Variants in TNFAIP8 observed in about 807,000 individuals in gnomAD.
The protein encoded by TNFAIP8 is TNF alpha induced protein 8, also known as tumor necrosis factor alpha-induced protein 8.
In TNFAIP8, 7 loss-of-function variants were observed where a neutral mutation model predicts 13.3. That is an observed-to-expected ratio of 0.52 (90% CI 0.30 to 0.99). TNFAIP8 has a LOEUF of 0.99. Ranked by LOEUF, TNFAIP8 falls within the 50% of genes least tolerant of loss-of-function variation. TNFAIP8 has a pLI of 0.07. For missense variants in TNFAIP8, 258 were observed against 236.9 expected, an observed-to-expected ratio of 1.09 and a Z score of -0.58; for synonymous variants, 94 against 87.6, an observed-to-expected ratio of 1.07 and a Z score of -0.41.
At chr5:119,306,830 A>G (rs1749582419) in intron 1 of TNFAIP8, among the ~76,000 whole-genome samples, 1 of 152,190 alleles carries the variant, frequency 6.6e-6, no homozygotes, top group Admixed American at 6.5e-5. Context: ...CTCATACTTA[A>G]ATAAAGGCTA....
At chr5:119,321,259 A>G (rs1338574983) in intron 1 of TNFAIP8, among the ~76,000 whole-genome samples, 1 of 152,144 alleles carries the variant, frequency 6.6e-6, no homozygotes, top group Non-Finnish European at 1.5e-5. Context: ...GTTAATTGAG[A>G]ACCTTTGGGG....
At chr5:119,373,114 C>G (rs1320690772) in intron 1 of TNFAIP8, among the ~76,000 whole-genome samples, 12 of 152,174 alleles carry the variant, frequency 7.9e-5, no homozygotes, top group Admixed American at 7.9e-4. Context: ...AGAAGACACT[C>G]AGTCCCTTCA....
intron 1 of TNFAIP8, among the ~76,000 whole-genome samples, chr5:119,277,556 G>A (rs1748495842): frequency 6.6e-6 from 1 of 152,080 alleles, no homozygotes; most frequent in South Asian, 2.1e-4. Flanking sequence ...AATTGGATTG[G>A]GGACCACCTT....
chr5:119,280,449 G>A (rs1748594892), intron 1 of TNFAIP8, among the ~76,000 whole-genome samples: 1 of 151,460 alleles, frequency 6.6e-6, no homozygotes, highest in Admixed American at 6.6e-5. Flanking sequence ...AATTTGTAGA[G>A]TTTCCCACAG....
At chr5:119,342,692 G>C (rs1475450876) in intron 1 of TNFAIP8, among the ~76,000 whole-genome samples, 1 of 152,148 alleles carries the variant, frequency 6.6e-6, no homozygotes, top group African/African-American at 2.4e-5. Context: ...CTTTCTCAAA[G>C]AATCTCCATT....
intron 1 of TNFAIP8, among the ~76,000 whole-genome samples, chr5:119,318,959 A>G (rs916969803): frequency 2.6e-5 from 4 of 152,194 alleles, no homozygotes; most frequent in African/African-American, 9.6e-5. Context: ...ATAACAGCTC[A>G]TATGATATTT....
At chr5:119,378,265 G>C (rs1257453441) in intron 1 of TNFAIP8, among the ~76,000 whole-genome samples, 2 of 152,218 alleles carry the variant, frequency 1.3e-5, no homozygotes, top group Non-Finnish European at 2.9e-5. Flanking sequence ...ACTTCACAGA[G>C]AATATAAATG....
At chr5:119,312,636 C>G (rs567124915) in intron 1 of TNFAIP8, among the ~76,000 whole-genome samples, 1 of 148,392 alleles carries the variant, frequency 6.7e-6, no homozygotes, top group Non-Finnish European at 1.5e-5. Context: ...CGGTGGCTCA[C>G]GTGTGAAATC....
intron 1 of TNFAIP8, among the ~76,000 whole-genome samples, chr5:119,303,959 T>G (rs75701532): frequency 0.022 from 3,387 of 152,258 alleles, 129 homozygotes; most frequent in African/African-American, 0.078. Context: ...TTTCTCAGCC[T>G]TTTCTCCCTC....
intron 1 of TNFAIP8, among the ~76,000 whole-genome samples, chr5:119,270,020 TCTC>T (rs1466858206): frequency 2.6e-5 from 4 of 152,228 alleles, no homozygotes; most frequent in African/African-American, 9.7e-5. Flanking sequence ...AGTAAAATAT[TCTC>T]CTACTTCCTT....
chr5:119,368,593 C>A (rs1233406635), intron 1 of TNFAIP8, among the ~76,000 whole-genome samples: 1 of 152,094 alleles, frequency 6.6e-6, no homozygotes. Context: ...GACTTAACTC[C>A]ATGCAAGTGT....
intron 1 of TNFAIP8, among the ~76,000 whole-genome samples, chr5:119,372,662 A>T (rs911385132): frequency 3.9e-5 from 6 of 152,176 alleles, no homozygotes; most frequent in Non-Finnish European, 5.9e-5. Flanking sequence ...ACATTTTTTT[A>T]AAAAATTATG....
intron 1 of TNFAIP8, among the ~76,000 whole-genome samples, chr5:119,289,160 C>T (rs1748907707): frequency 6.6e-6 from 1 of 152,188 alleles, no homozygotes; most frequent in Non-Finnish European, 1.5e-5. Flanking sequence ...ATATCATGAT[C>T]ACACCTTACT....
chr5:119,388,608 G>T (rs745653336), intron 1 of TNFAIP8, among the ~76,000 whole-genome samples: 1 of 151,962 alleles, frequency 6.6e-6, no homozygotes, highest in African/African-American at 2.4e-5. Context: ...AGTTAGCAAA[G>T]AACTTACATG....
intron 1 of TNFAIP8, among the ~76,000 whole-genome samples, chr5:119,300,236 C>G (rs1008505655): frequency 2.0e-5 from 3 of 152,228 alleles, no homozygotes; most frequent in Non-Finnish European, 4.4e-5. Flanking sequence ...GGAGCTGTTC[C>G]TAATCAGCCA....
At chr5:119,381,038 G>T (rs574129371) in intron 1 of TNFAIP8, among the ~76,000 whole-genome samples, 6 of 152,284 alleles carry the variant, frequency 3.9e-5, no homozygotes, top group South Asian at 2.1e-4. Context: ...GAGCAGGCGT[G>T]TTCCAACTTT....
intron 1 of TNFAIP8, among the ~76,000 whole-genome samples, chr5:119,336,829 G>A (rs940778638): frequency 2.6e-5 from 4 of 152,170 alleles, no homozygotes; most frequent in Non-Finnish European, 4.4e-5. Context: ...TTGAAAACAG[G>A]ATTACTAGTT....
At chr5:119,376,257 G>A (rs933449500) in intron 1 of TNFAIP8, among the ~76,000 whole-genome samples, 3 of 151,970 alleles carry the variant, frequency 2.0e-5, no homozygotes, top group Non-Finnish European at 4.4e-5. Flanking sequence ...TAGGATTACA[G>A]GCATGTGCCA....
Position 119,392,882 on chromosome 5 carries a change from T to C in TNFAIP8, c.98T>C (p.Met33Thr). The part of the protein sequence containing the change: ...VQAQKKILGK[M>T]VSKSIATTLI... ...GCACAAAAGAAGATCTTGGGTAAAA[T>C]GGTGTCCAAATCCATCGCCACCACC... is the stretch of plus-strand genomic sequence containing the variant. The change falls in exon 2 of 2, where the codon ATG becomes ACG. Residue 33 changes from methionine to threonine, a missense_variant. Physicochemically the swap from Met to Thr is moderately conservative, Grantham distance 81. Transcript: ENST00000504771. 1.3e-6 allele frequency: 2 copies of C among 1,578,682 alleles called. No individual in the cohort carries two copies. Among genetic ancestry groups the C allele is most frequent in the Non-Finnish European group, 1.7e-6 (2 of 1,162,340 alleles).
Sources: gnomAD v4.1 joint callset for allele counts (sites outside exome capture counted in the v4.1 genomes callset) on GRCh38, gnomAD v4.1.1 for gene constraint, MANE v1.5 for transcripts, NCBI Gene and HGNC (gene_info 2026-07-23, HGNC 2026-07-21) for gene names.